PCDHA5: variants seen among roughly 807,000 people sequenced by gnomAD.
The protein encoded by PCDHA5 is protocadherin alpha-5.
Under a neutral mutation model 61.6 loss-of-function variants are expected in PCDHA5, and 43 were observed. The observed-to-expected ratio is 0.70, with a 90% CI of 0.55 to 0.90. The LOEUF (loss-of-function observed/expected upper bound fraction) is 0.90, where lower values mean the gene tolerates loss of function less well. PCDHA5 is among the 40% of genes least tolerant of loss of function. The pLI, the probability that PCDHA5 is intolerant of heterozygous loss-of-function variation, is 0.00. For missense variants in PCDHA5, 1,298 were observed against 1,222.7 expected, an observed-to-expected ratio of 1.06 and a Z score of -0.92; for synonymous variants, 627 against 543.9, an observed-to-expected ratio of 1.15 and a Z score of -2.13.
chr5:140,824,316 A>T (rs1482945838), intron 1 of PCDHA5, 189 bp downstream of exon 1: 2 of 744,252 alleles, frequency 2.7e-6, no homozygotes, highest in African/African-American at 3.5e-5. Flanking sequence ...TAGATTCATC[A>T]GCTTTCTGTG....
intron 1 of PCDHA5, chr5:140,968,575 G>C: frequency 6.2e-7 from 1 of 1,614,134 alleles, no homozygotes; most frequent in Non-Finnish European, 8.5e-7. Context: ...CTGGCTACCT[G>C]GTCACCAAAG....
intron 1 of PCDHA5, among the ~76,000 whole-genome samples, chr5:140,959,596 A>G (rs2095498979): frequency 6.6e-6 from 1 of 152,224 alleles, no homozygotes; most frequent in Non-Finnish European, 1.5e-5. Flanking sequence ...AGCCAAGTAT[A>G]ACATGCTTTT....
intron 1 of PCDHA5, among the ~76,000 whole-genome samples, chr5:140,911,931 T>C (rs1057514341): frequency 1.8e-4 from 28 of 152,134 alleles, no homozygotes; most frequent in African/African-American, 6.8e-4. Context: ...ACTAATAGGA[T>C]AGATGTATAT....
chr5:140,835,898 G>T lies in PCDHA5; in HGVS notation c.2352+11771G>T, dbSNP rs2150247809. 5 of 1,612,080 alleles carry T rather than the reference G, an allele frequency of 3.1e-6. No homozygotes were observed. The Admixed American group carries it at 8.3e-5, about 27-fold the overall frequency. ...TGCGGGTGGGCGAGCGCGCGCTGTCGAGCTACGTGTCAGTGCACGCGGAGA... is the reference window on the plus strand; with the variant it reads ...TGCGGGTGGGCGAGCGCGCGCTGTCTAGCTACGTGTCAGTGCACGCGGAGA... On this transcript the variant is annotated intron_variant, in intron 1 of 3. Transcript: ENST00000529859.
chr5:140,863,330 T>A, intron 1 of PCDHA5: 1 of 1,412,828 alleles, frequency 7.1e-7, no homozygotes, highest in Admixed American at 1.8e-5. Flanking sequence ...CTGTTAGTGC[T>A]CACGTTGCTG....
At chr5:140,826,767 G>A (rs2150145358) in intron 1 of PCDHA5, among the ~76,000 whole-genome samples, 1 of 152,140 alleles carries the variant, frequency 6.6e-6, no homozygotes, top group Non-Finnish European at 1.5e-5. Flanking sequence ...ATATTGGAGA[G>A]TAATTGAAAA....
rs1413511622 is a variant in PCDHA5, at chr5:140,853,854, T to A, written c.2352+29727T>A. ...CGAAATTTTAGATCCATAGCCCTAT[T>A]TGATACTTGACAGTGCAAGTTTCTG... On this transcript the variant is annotated intron_variant, in intron 1 of 3. Coordinates refer to ENST00000529859, the MANE Select transcript of PCDHA5 (RefSeq NM_018908.3). The A allele has an allele frequency of 2.1e-5, 21 of 985,682 alleles. 4 individuals carry two copies. The highest frequency in any genetic ancestry group is 2.3e-5 in the Non-Finnish European group (19 of 817,834). The allele number at this position is 985,682 out of a possible 1,614,324, so 61.1% of individuals were successfully genotyped here. A position where few individuals can be genotyped will look rare whatever the true frequency, so the allele number is the denominator to read the frequency against.
At chr5:140,850,285 T>G in intron 1 of PCDHA5, 1 of 1,595,606 alleles carries the variant, frequency 6.3e-7, no homozygotes, top group Non-Finnish European at 8.6e-7. Context: ...GTGCGCGCAG[T>G]GGACGCCGAC....
chr5:140,823,262 G>T lies in PCDHA5; in HGVS notation c.1487G>T (p.Arg496Leu), dbSNP rs2150124059. ...CTGGTGTCCTACTCGCTGGTGGAGC[G>T]GCGGGTGGGCGAGCGCCCGCTGTCG... ...NALVSYSLVE[R>L]RVGERPLSSY... Residue 496 changes from arginine (R) to leucine (L), a missense_variant, in exon 1 of 4, where the codon CGG becomes CTG. Physicochemically the swap from Arg to Leu is moderately radical, Grantham distance 102 (BLOSUM62 -2). Transcript: ENST00000529859. 4.2e-5 allele frequency: 67 copies of T among 1,612,822 alleles called. No homozygotes were observed. Among genetic ancestry groups the T allele is most frequent in the Non-Finnish European group, 5.3e-5 (63 of 1,179,778 alleles).
At chr5:140,883,636 G>A (rs781839349) in intron 1 of PCDHA5, 5 of 1,613,974 alleles carry the variant, frequency 3.1e-6, no homozygotes, top group South Asian at 2.2e-5. Context: ...CGGCGTTCGC[G>A]CAGCCCGAGT....
intron 1 of PCDHA5, among the ~76,000 whole-genome samples, chr5:140,976,448 G>C (rs2096716831): frequency 6.6e-6 from 1 of 152,148 alleles, no homozygotes; most frequent in Non-Finnish European, 1.5e-5. Context: ...CTACTAGGGA[G>C]GCTGGGGAAG....
At chr5:140,852,781 G>A (rs1213399832) in intron 1 of PCDHA5, 1 of 979,508 alleles carries the variant, frequency 1.0e-6, no homozygotes, top group African/African-American at 1.8e-5. Flanking sequence ...GATGTGAATA[G>A]AGGGATGCTA....
At position 140,998,856 on chromosome 5, in the gene PCDHA5, C is replaced by T. The variant is rs77103467; in HGVS notation, c.2501-10771C>T. 2.6e-3 allele frequency among the ~76,000 whole-genome samples: 397 copies of T among 152,354 alleles called. 2 individuals carry two copies. Among genetic ancestry groups the T allele is most frequent in the African/African-American group, 9.1e-3 (380 of 41,584 alleles). ...TGGATTACTGGTGTGAGCCACATGC[C>T]TGGCCTTGTAAATAATAAGTTTAGT... On this transcript the variant is annotated intron_variant, in intron 3 of 3. Coordinates refer to ENST00000529859, the MANE Select transcript of PCDHA5 (RefSeq NM_018908.3).
chr5:141,010,226 C>G lies in PCDHA5; in HGVS notation c.*289C>G, dbSNP rs1386050566. The G allele has an allele frequency of 1.3e-6, 2 of 1,551,706 alleles. No individual in the cohort carries two copies. Among genetic ancestry groups the G allele is most frequent in the Non-Finnish European group, 1.7e-6 (2 of 1,147,032 alleles). ...CGCCGCAAAGGAGAGGCTTCCCAGC[C>G]CCGCCAGTGAGAGGTTGGACTCTCT... On this transcript the variant is annotated 3_prime_UTR_variant, in exon 4 of 4. Coordinates refer to ENST00000529859, the MANE Select transcript of PCDHA5 (RefSeq NM_018908.3).
At chr5:140,939,789 A>T (rs1259994967) in intron 1 of PCDHA5, among the ~76,000 whole-genome samples, 1 of 152,246 alleles carries the variant, frequency 6.6e-6, no homozygotes, top group African/African-American at 2.4e-5. Flanking sequence ...GTCAATTTCT[A>T]TAAATGTTCT....
At chr5:140,898,748 G>C (rs1397892217) in intron 1 of PCDHA5, among the ~76,000 whole-genome samples, 44 of 152,222 alleles carry the variant, frequency 2.9e-4, no homozygotes, top group Non-Finnish European at 5.0e-4. Context: ...TAGCTTGATG[G>C]GGATGGCATT....
chr5:141,007,694 C>T (rs1466885866), intron 3 of PCDHA5, among the ~76,000 whole-genome samples: 1 of 152,186 alleles, frequency 6.6e-6, no homozygotes, highest in Non-Finnish European at 1.5e-5. Context: ...CTTCCACCTC[C>T]CTCCTCTGCC....
intron 1 of PCDHA5, among the ~76,000 whole-genome samples, chr5:140,955,070 G>A (rs755676357): frequency 2.2e-4 from 34 of 152,166 alleles, no homozygotes; most frequent in Non-Finnish European, 4.1e-4. Context: ...GTTTGTTGAA[G>A]ATCAGATGGT....
chr5:140,909,061 A>G (rs2074290709), intron 1 of PCDHA5, among the ~76,000 whole-genome samples: 2 of 152,188 alleles, frequency 1.3e-5, no homozygotes, highest in African/African-American at 4.8e-5. Context: ...CAAATGTCTC[A>G]CCAATAAGCC....
Sources: allele counts gnomAD v4.1 joint callset (sites outside exome capture counted in the v4.1 genomes callset), GRCh38; gene constraint gnomAD v4.1.1; transcripts MANE v1.5; gene names NCBI Gene and HGNC (gene_info 2026-07-23, HGNC 2026-07-21).